NAALAD2: variants seen among roughly 807,000 people sequenced by gnomAD.
NAALAD2 encodes N-acetylated-alpha-linked acidic dipeptidase 2.
A neutral mutation model predicts 95.6 loss-of-function variants in NAALAD2; 89 were observed. The observed-to-expected ratio is 0.93, with a 90% CI of 0.78 to 1.11. NAALAD2 has a LOEUF of 1.11. NAALAD2 is among the 50% of genes least tolerant of loss of function. The pLI, the probability that NAALAD2 is intolerant of heterozygous loss-of-function variation, is 0.00. For synonymous variants in NAALAD2, 264 were observed against 294.4 expected (o/e 0.90, Z 1.06); for missense variants, 894 against 872.4 (o/e 1.02, Z -0.31).
At chr11:90,148,750 A>G (rs1222277680) in intron 3 of NAALAD2, among the ~76,000 whole-genome samples, 1 of 152,138 alleles carries the variant, frequency 6.6e-6, no homozygotes, top group Non-Finnish European at 1.5e-5. Flanking sequence ...CCAAAGTGCC[A>G]CCTTTGAAGC....
chr11:90,151,882 C>T (rs1011266782), intron 5 of NAALAD2, among the ~76,000 whole-genome samples: 5 of 151,936 alleles, frequency 3.3e-5, no homozygotes, highest in African/African-American at 4.8e-5. Context: ...CTATGATGTG[C>T]GAGATTTTAC....
Position 90,173,865 on chromosome 11 carries a change from T to C in NAALAD2, c.1452T>C (p.Tyr484=), listed in dbSNP as rs747698152. 5 of 1,613,178 alleles carry C rather than the reference T, an allele frequency of 3.1e-6. No individual in the cohort carries two copies. In the Admixed American group the frequency reaches 8.3e-5, roughly 27 times the overall value. The change falls in exon 14 of 19, where the codon TAT becomes TAC. Residue 484 remains tyrosine, a synonymous_variant. Transcript: ENST00000534061. ...ATGGGTTTGAGAGTAAATCACTGTA[T>C]GAAAGCTGGTTGGAAAAAGACCCTT... ...PDDGFESKSL[Y]ESWLEKDPSP...
rs1857011421 is a variant in NAALAD2, at chr11:90,182,979, T to C, written c.2004T>C (p.Pro668=). The C allele has an allele frequency of 6.2e-7, 1 of 1,612,940 alleles. No individual in the cohort carries two copies. The highest frequency in any genetic ancestry group is 8.5e-7 in the Non-Finnish European group (1 of 1,179,134). Residue 668 remains proline, a synonymous_variant, in exon 18 of 19, where the codon CCT becomes CCC. Coordinates refer to ENST00000534061, the MANE Select transcript of NAALAD2 (RefSeq NM_005467.4). ...LMLLERAFID[P]LGLPGKLFYR... is the part of the protein sequence containing the mutation. Reference sequence around the variant, plus strand: ...TCCTGGAAAGAGCATTCATCGATCCTCTTGGTTTACCAGGAAAGCTGTTCT... The same window carrying C: ...TCCTGGAAAGAGCATTCATCGATCCCCTTGGTTTACCAGGAAAGCTGTTCT...
At chr11:90,185,874 T>TTTTA (rs1491131053) in intron 18 of NAALAD2, among the ~76,000 whole-genome samples, 16 of 111,282 alleles carry the variant, frequency 1.4e-4, no homozygotes, top group African/African-American at 4.6e-4. Context: ...TTTTTTTTTT[T>TTTTA]ATATACATTT....
intron 11 of NAALAD2, chr11:90,164,186 C>T (rs564808078): frequency 6.5e-6 from 1 of 152,736 alleles, no homozygotes; most frequent in South Asian, 2.1e-4. Context: ...ATAAATTGAC[C>T]TGCTTTACAA....
rs35484013 is a variant in NAALAD2 at position 90,190,731 on chromosome 11, G to A, written c.2034-827G>A. On this transcript the variant is annotated intron_variant, in intron 18 of 18. Coordinates refer to ENST00000534061, the MANE Select transcript of NAALAD2 (RefSeq NM_005467.4). ...AAAAGCCAAGATAATAAATCCTGAT[G>A]TACTTTGGTAAATCTGAATGATGAG... 8.6e-3 allele frequency among the ~76,000 whole-genome samples: 1,314 copies of A among 152,194 alleles called. 10 individuals carry two copies. Among genetic ancestry groups the A allele is most frequent in the Non-Finnish European group, 0.012 (821 of 67,966 alleles).
At chr11:90,163,258 A>G in intron 9 of NAALAD2, 52 bp from the exon 10 acceptor site, 1 of 1,539,420 alleles carries the variant, frequency 6.5e-7, no homozygotes, top group South Asian at 1.2e-5. Context: ...TAAATTACAA[A>G]TATTTATAAT....
chr11:90,186,300 T>C (rs1857140347), intron 18 of NAALAD2, among the ~76,000 whole-genome samples: 1 of 152,068 alleles, frequency 6.6e-6, no homozygotes, highest in Non-Finnish European at 1.5e-5. Context: ...TTCTTGGCGA[T>C]AGTTTACTGA....
chr11:90,183,132 A>C, intron 18 of NAALAD2, 124 bp downstream of exon 18: 1 of 626,256 alleles, frequency 1.6e-6, no homozygotes, highest in East Asian at 2.6e-5. Context: ...AATTTGGGTA[A>C]GATTGTACAT....
intron 4 of NAALAD2, among the ~76,000 whole-genome samples, chr11:90,150,006 C>T (rs562042594): frequency 2.0e-5 from 3 of 152,226 alleles, no homozygotes; most frequent in South Asian, 2.1e-4. Flanking sequence ...AATCCCAGCA[C>T]TTTAGGAGGT....
In NAALAD2 at chr11:90,180,088, T is replaced by C. The variant is rs111907611; in HGVS notation, c.1859-1532T>C. ...ATTGATGAATGAATGAATGAATGAA[T>C]GAATGAATACATAATCTACACTCCC... On this transcript the variant is annotated intron_variant, in intron 16 of 18. Coordinates refer to ENST00000534061, the MANE Select transcript of NAALAD2 (RefSeq NM_005467.4). 5.5e-3 allele frequency among the ~76,000 whole-genome samples: 835 copies of C among 151,964 alleles called. 6 individuals carry two copies. The highest frequency in any genetic ancestry group is 0.016 in the African/African-American group (683 of 41,470).
chr11:90,162,023 G>A (rs971311117), intron 8 of NAALAD2, among the ~76,000 whole-genome samples: 1 of 151,970 alleles, frequency 6.6e-6, no homozygotes, highest in African/African-American at 2.4e-5. Context: ...TTTTGGTGGG[G>A]GTGAGGGAAG....
intron 2 of NAALAD2, among the ~76,000 whole-genome samples, chr11:90,140,395 C>G (rs1451697015): frequency 6.6e-6 from 1 of 151,898 alleles, no homozygotes; most frequent in East Asian, 1.9e-4. Context: ...TATTTTAAAA[C>G]AGTAAATGAT....
chr11:90,163,154 G>T, intron 9 of NAALAD2, 120 bp downstream of exon 9: 2 of 1,207,182 alleles, frequency 1.7e-6, no homozygotes, highest in Non-Finnish European at 2.3e-6. Flanking sequence ...ACTAAATTTT[G>T]AGGAAAACTG....
At position 90,159,300 on chromosome 11, in the gene NAALAD2, A is replaced by G; in HGVS notation, c.952A>G (p.Ser318Gly). Residue 318 changes from serine to glycine, a missense_variant, in exon 8 of 19, where the codon AGT becomes GGT. Physicochemically the swap from Ser to Gly is moderately conservative, Grantham distance 56 (BLOSUM62 0). Transcript: ENST00000534061. ...GAAGGGAGCCCTTAATGTGAGTTAT[A>G]GTATCGGACCTGGCTTTACAGGGAG... ...SWKGALNVSY[S>G]IGPGFTGSDS... 2.5e-6 allele frequency: 4 copies of G among 1,613,864 alleles called. No homozygotes were observed. The highest frequency in any genetic ancestry group is 3.4e-6 in the Non-Finnish European group (4 of 1,179,874).
intron 2 of NAALAD2, among the ~76,000 whole-genome samples, chr11:90,144,756 C>T (rs919344155): frequency 4.0e-5 from 3 of 74,828 alleles, no homozygotes; most frequent in African/African-American, 1.4e-4. Context: ...AAAAAAAAAA[C>T]GGAAAAGAAA....
At chr11:90,152,255 C>A (rs767393981) in intron 5 of NAALAD2, 43 bp from the exon 6 acceptor site, 1 of 1,507,458 alleles carries the variant, frequency 6.6e-7, no homozygotes, top group South Asian at 1.3e-5. Context: ...ATAAGCCAAC[C>A]ATTTGCCATA....
At chr11:90,176,176 C>A in intron 15 of NAALAD2, 114 bp downstream of exon 15, 1 of 708,554 alleles carries the variant, frequency 1.4e-6, no homozygotes, top group Non-Finnish European at 2.4e-6. Context: ...GGGAAGAGTT[C>A]CCAGGGATAG....
At chr11:90,152,255 C>T (rs767393981) in intron 5 of NAALAD2, 43 bp from the exon 6 acceptor site, 6 of 1,507,458 alleles carry the variant, frequency 4.0e-6, no homozygotes, top group Non-Finnish European at 5.4e-6. Flanking sequence ...ATAAGCCAAC[C>T]ATTTGCCATA....
Sources: gnomAD v4.1 joint callset for allele counts (sites outside exome capture counted in the v4.1 genomes callset) on GRCh38, gnomAD v4.1.1 for gene constraint, MANE v1.5 for transcripts, NCBI Gene and HGNC (gene_info 2026-07-23, HGNC 2026-07-21) for gene names.